Variants in GOLIM4 observed in about 807,000 individuals in gnomAD.
GOLIM4 encodes the protein golgi integral membrane protein 4, also known as 130 kDa golgi-localized phosphoprotein.
GOLIM4 carries 71 observed loss-of-function variants against 107.4 expected under a neutral mutation model. The ratio of observed to expected loss-of-function variants is 0.66; its 90% CI spans 0.55 to 0.81. GOLIM4 has a LOEUF of 0.81. GOLIM4 is among the 30% of genes least tolerant of loss of function. The pLI is 0.00. For synonymous variants in GOLIM4, 327 were observed against 294.8 expected (o/e 1.11, Z -1.12); for missense variants, 830 against 826.1 (o/e 1.00, Z -0.06).
chr3:168,018,983 C>CAAA lies in GOLIM4; in HGVS notation c.1860+5540_1860+5542dup, dbSNP rs201919414. 2.8e-3 allele frequency among the ~76,000 whole-genome samples: 334 copies of CAAA among 120,782 alleles called. 2 individuals carry two copies. Among genetic ancestry groups the CAAA allele is most frequent in the African/African-American group, 8.4e-3 (301 of 36,044 alleles). 79.2% of individuals were successfully genotyped at this position (120,782 alleles called of 152,430 possible). On this transcript the variant is annotated intron_variant, in intron 14 of 15. Coordinates refer to ENST00000470487, the MANE Select transcript of GOLIM4 (RefSeq NM_014498.5). ...TACAACTTGACCACTCTATGTAGCA[C>CAAA]AAAAAAAAAAAAAGAAAACAAAAAA...
chr3:168,042,560 C>T (rs571625633), intron 5 of GOLIM4, among the ~76,000 whole-genome samples: 1 of 152,290 alleles, frequency 6.6e-6, no homozygotes, highest in South Asian at 2.1e-4. Context: ...GGATTACAGG[C>T]GTGAGCCACC....
intron 14 of GOLIM4, among the ~76,000 whole-genome samples, chr3:168,019,127 T>C (rs1218874772): frequency 2.6e-5 from 4 of 152,222 alleles, no homozygotes; most frequent in Non-Finnish European, 2.9e-5. Context: ...CAGAAAGACC[T>C]GGACTAAAGA....
At chr3:168,083,638 G>A (rs1721479573) in intron 1 of GOLIM4, among the ~76,000 whole-genome samples, 1 of 152,132 alleles carries the variant, frequency 6.6e-6, no homozygotes, top group African/African-American at 2.4e-5. Context: ...CAAAAGTATT[G>A]AGTCAGATAA....
chr3:168,030,129 G>A, intron 9 of GOLIM4, 93 bp from the exon 10 acceptor site: 1 of 1,258,162 alleles, frequency 7.9e-7, no homozygotes, highest in African/African-American at 1.5e-5. Context: ...AGGAGGCAGA[G>A]CTGGTTTATT....
At chr3:168,075,285 A>AG (rs1721012166) in intron 1 of GOLIM4, among the ~76,000 whole-genome samples, 1 of 115,096 alleles carries the variant, frequency 8.7e-6, no homozygotes, top group African/African-American at 3.5e-5. Flanking sequence ...GACATTCACT[A>AG]GTTTTTTTTT....
At chr3:168,082,719 C>T (rs1183693964) in intron 1 of GOLIM4, among the ~76,000 whole-genome samples, 1 of 151,946 alleles carries the variant, frequency 6.6e-6, no homozygotes, top group Non-Finnish European at 1.5e-5. Flanking sequence ...GTGACGGTGT[C>T]AATATGAATA....
intron 14 of GOLIM4, among the ~76,000 whole-genome samples, chr3:168,019,364 G>A (rs74346969): frequency 0.014 from 2,075 of 152,098 alleles, 36 homozygotes; most frequent in African/African-American, 0.047. Flanking sequence ...TTACCTTCAC[G>A]TATCACAGTA....
chr3:168,089,229 T>C lies in GOLIM4; in HGVS notation c.187+5870A>G, dbSNP rs183832430. ...ATGGTACAGGATCAAGCAAAAATGA[T>C]AGTCTCTTCATTTAACTCTAAGTTG... On this transcript the variant is annotated intron_variant, in intron 1 of 15. Transcript: ENST00000470487. Among the ~76,000 whole-genome samples, 273 of 152,336 alleles carry C rather than the reference T, an allele frequency of 1.8e-3. 6 individuals carry two copies. Among genetic ancestry groups the C allele is most frequent in the East Asian group, 0.018 (91 of 5,190 alleles).
chr3:168,081,832 T>C (rs1292302321), intron 1 of GOLIM4, among the ~76,000 whole-genome samples: 2 of 152,200 alleles, frequency 1.3e-5, no homozygotes, highest in African/African-American at 4.8e-5. Context: ...AAATTACTAA[T>C]GGATTCTAGG....
intron 14 of GOLIM4, among the ~76,000 whole-genome samples, chr3:168,018,852 A>G (rs773229072): frequency 2.6e-5 from 4 of 152,210 alleles, no homozygotes; most frequent in Admixed American, 2.0e-4. Flanking sequence ...CCTTGAGTCT[A>G]TGCCGTATGG....
rs1718380461 is a variant in GOLIM4, at chr3:168,032,425, C to G, written c.1176+95G>C. The G allele has an allele frequency of 5.7e-6, 5 of 873,634 alleles. No homozygotes were observed. In the Middle Eastern group the frequency reaches 7.4e-4, roughly 129 times the overall value. 54.1% of individuals were successfully genotyped at this position (873,634 alleles called of 1,614,324 possible). A position where few individuals can be genotyped will look rare whatever the true frequency, so the allele number is the denominator to read the frequency against. On this transcript the variant is annotated intron_variant, in intron 9 of 15. Transcript: ENST00000470487. ...ATGTTTAGTAGAATCACTCACATTT[C>G]TATTTTAGAGATTGTGATATATTAC...
At chr3:168,085,252 CT>C (rs1721561390) in intron 1 of GOLIM4, among the ~76,000 whole-genome samples, 1 of 152,140 alleles carries the variant, frequency 6.6e-6, no homozygotes, top group African/African-American at 2.4e-5. Context: ...CGGAGGGTGT[CT>C]TATAAAATCG....
chr3:168,054,288 A>C (rs1488793343), intron 1 of GOLIM4, among the ~76,000 whole-genome samples: 1 of 152,186 alleles, frequency 6.6e-6, no homozygotes, highest in Non-Finnish European at 1.5e-5. Context: ...TCGGGAGTGA[A>C]ACCCCACAAG....
chr3:168,032,834 C>G lies in GOLIM4; in HGVS notation c.862G>C (p.Val288Leu). 1 of 1,611,816 alleles carries G rather than the reference C, an allele frequency of 6.2e-7. No individual in the cohort carries two copies. The highest frequency in any genetic ancestry group is 1.3e-5 in the African/African-American group (1 of 74,874). ...EVQEVSRNND[V>L]WQNHEAVPGR... ...GGAACTGCTTCATGGTTCTGCCACACATCATTATTTCGAGACACCTAGGCC... is the reference window on the plus strand; with the variant it reads ...GGAACTGCTTCATGGTTCTGCCACAGATCATTATTTCGAGACACCTAGGCC... The change falls in exon 9 of 16, where the codon GTG becomes CTG. Residue 288 changes from valine (V) to leucine (L), a missense_variant. Val to Leu is a conservative substitution (Grantham distance 32). Coordinates refer to ENST00000470487, the MANE Select transcript of GOLIM4 (RefSeq NM_014498.5).
intron 1 of GOLIM4, among the ~76,000 whole-genome samples, chr3:168,064,104 GA>G (rs1424806341): frequency 1.3e-5 from 2 of 152,188 alleles, no homozygotes; most frequent in Non-Finnish European, 1.5e-5. Flanking sequence ...ATGGTCCCAG[GA>G]GGCTTCCCCA....
At chr3:168,046,808 A>C in intron 3 of GOLIM4, 142 bp downstream of exon 3, 1 of 279,846 alleles carries the variant, frequency 3.6e-6, no homozygotes, top group Non-Finnish European at 6.4e-6. Context: ...TTGGCAGCCA[A>C]AAAAAAAAAA....
chr3:168,089,805 G>C (rs894466765), intron 1 of GOLIM4, among the ~76,000 whole-genome samples: 1 of 141,442 alleles, frequency 7.1e-6, no homozygotes, highest in African/African-American at 2.7e-5. Flanking sequence ...GTCTCGCTCT[G>C]TTGCCCAGGC....
At chr3:168,030,567 A>AT (rs1397702184) in intron 9 of GOLIM4, among the ~76,000 whole-genome samples, 1 of 150,574 alleles carries the variant, frequency 6.6e-6, no homozygotes, top group Non-Finnish European at 1.5e-5. Flanking sequence ...CAGATATTCA[A>AT]TTTTTTTTCA....
chr3:168,048,279 G>A lies in GOLIM4; in HGVS notation c.262+12C>T. The stretch of plus-strand genomic sequence containing the variant: ...TGGAAAAACACAGAACACAAATTAT[G>A]TATTTACTTACCTTCCTTTGCTTTT... On this transcript the variant is annotated intron_variant, in intron 2 of 15. Transcript: ENST00000470487. 1 of 1,282,538 alleles carries A rather than the reference G, an allele frequency of 7.8e-7. No individual in the cohort carries two copies. The highest frequency in any genetic ancestry group is 1.1e-6 in the Non-Finnish European group (1 of 894,668). The allele number at this position is 1,282,538 out of a possible 1,614,324, so 79.4% of individuals were successfully genotyped here.
Sources: gnomAD v4.1 joint callset for allele counts (sites outside exome capture counted in the v4.1 genomes callset) on GRCh38, gnomAD v4.1.1 for gene constraint, MANE v1.5 for transcripts, NCBI Gene and HGNC (gene_info 2026-07-23, HGNC 2026-07-21) for gene names.